The following FOXP1 variants were observed in gnomAD, a reference collection of about 807,000 sequenced individuals.
FOXP1 encodes forkhead box protein P1.
Under a neutral mutation model 98.2 loss-of-function variants are expected in FOXP1, and 15 were observed. That is an observed-to-expected ratio of 0.15 (90% CI 0.10 to 0.24). FOXP1 has a LOEUF of 0.24. FOXP1 is among the 10% of genes least tolerant of loss of function. The pLI, the probability that FOXP1 is intolerant of heterozygous loss-of-function variation, is 1.00. For missense variants in FOXP1, 633 were observed against 848.5 expected (o/e 0.75, Z 3.15); for synonymous variants, 371 against 314.5 (o/e 1.18, Z -1.90).
At chr3:71,372,621 C>A (rs184741848) in intron 3 of FOXP1, among the ~76,000 whole-genome samples, 59 of 152,306 alleles carry the variant, frequency 3.9e-4, no homozygotes, top group Non-Finnish European at 6.9e-4. Context: ...CTGCCATCTA[C>A]AGCACAATGA....
At chr3:71,488,500 T>A (rs1463899568) in intron 3 of FOXP1, among the ~76,000 whole-genome samples, 2 of 152,184 alleles carry the variant, frequency 1.3e-5, no homozygotes, top group Non-Finnish European at 2.9e-5. Flanking sequence ...TCTCTCACCA[T>A]CCTGAATTAC....
intron 7 of FOXP1, among the ~76,000 whole-genome samples, chr3:71,089,775 T>C (rs1429610930): frequency 1.3e-5 from 2 of 152,328 alleles, no homozygotes; most frequent in East Asian, 3.9e-4. Flanking sequence ...ATGCCTGGGC[T>C]CTAGCTGGGC....
chr3:70,978,969 A>T (rs909167976), intron 14 of FOXP1, among the ~76,000 whole-genome samples: 4 of 152,182 alleles, frequency 2.6e-5, no homozygotes, highest in Non-Finnish European at 5.9e-5. Flanking sequence ...TATTTGAAGT[A>T]GAAGAGAATA....
At position 70,981,652 on chromosome 3, in the gene FOXP1, C is replaced by A. The variant is rs531374354; in HGVS notation, c.1147-3623G>T. ...GCTATGAGGTAAACTAATTAAAAGA[C>A]AGTTCCTAGAGGAAGAGGGTGGCTG... On this transcript the variant is annotated intron_variant, in intron 14 of 20. Transcript: ENST00000649528. Among the ~76,000 whole-genome samples the A allele has an allele frequency of 8.5e-5, 13 of 152,278 alleles. No individual in the cohort carries two copies. The East Asian group carries it at 2.5e-3, about 29-fold the overall frequency.
intron 5 of FOXP1, among the ~76,000 whole-genome samples, chr3:71,216,807 C>CGTTCTCAA: frequency 6.6e-6 from 1 of 152,204 alleles, no homozygotes; most frequent in East Asian, 1.9e-4. Flanking sequence ...CTACAGCAGT[C>CGTTCTCAA]GTTCTCAACT....
chr3:71,413,191 C>T (rs1391612067), intron 3 of FOXP1, among the ~76,000 whole-genome samples: 4 of 102,438 alleles, frequency 3.9e-5, no homozygotes, highest in African/African-American at 1.6e-4. Context: ...AATAGACACA[C>T]ACACACCACC....
rs190976823 is a variant in FOXP1 at position 71,372,005 on chromosome 3, T to C, written c.-167-12761A>G. Among the ~76,000 whole-genome samples, 468 of 151,862 alleles carry C rather than the reference T, an allele frequency of 3.1e-3. 2 individuals are homozygous for C. Among genetic ancestry groups the C allele is most frequent in the Non-Finnish European group, 5.7e-3 (385 of 67,966 alleles). On this transcript the variant is annotated intron_variant, in intron 3 of 20. Transcript: ENST00000649528. ...TGTACATGAGGATCATTCTTTCGTCTTTTCTTTCTTTCTTTTTTTTTTTTT... is the reference window on the plus strand; with the variant it reads ...TGTACATGAGGATCATTCTTTCGTCCTTTCTTTCTTTCTTTTTTTTTTTTT...
At chr3:71,236,641 A>G (rs752353575) in intron 5 of FOXP1, among the ~76,000 whole-genome samples, 12 of 152,198 alleles carry the variant, frequency 7.9e-5, no homozygotes, top group Non-Finnish European at 1.8e-4. Context: ...AGGACAAGGC[A>G]GGAGGACGGC....
At chr3:71,462,030 T>C (rs2088185183) in intron 3 of FOXP1, among the ~76,000 whole-genome samples, 1 of 152,158 alleles carries the variant, frequency 6.6e-6, no homozygotes, top group Admixed American at 6.5e-5. Flanking sequence ...CCCATAAAAC[T>C]GGAACTATCA....
At chr3:71,024,487 G>A (rs2045859320) in intron 11 of FOXP1, among the ~76,000 whole-genome samples, 1 of 152,146 alleles carries the variant, frequency 6.6e-6, no homozygotes, top group African/African-American at 2.4e-5. Flanking sequence ...GCCTATTAAA[G>A]GGCCTACCCT....
At chr3:71,023,641 G>A (rs1487179842) in intron 11 of FOXP1, among the ~76,000 whole-genome samples, 1 of 152,018 alleles carries the variant, frequency 6.6e-6, no homozygotes, top group Non-Finnish European at 1.5e-5. Flanking sequence ...CTGTGACTCT[G>A]TTATCATAGC....
chr3:71,370,573 G>A (rs918560460), intron 3 of FOXP1, among the ~76,000 whole-genome samples: 3 of 152,116 alleles, frequency 2.0e-5, no homozygotes, highest in East Asian at 1.9e-4. Context: ...CGCAGGTTCC[G>A]ATCGGCACCG....
chr3:71,156,741 G>T (rs2060843126), intron 6 of FOXP1, among the ~76,000 whole-genome samples: 1 of 152,176 alleles, frequency 6.6e-6, no homozygotes, highest in African/African-American at 2.4e-5. Flanking sequence ...AGGCTAGTTG[G>T]ACATCTAGAA....
chr3:71,338,364 C>T (rs2076812013), intron 4 of FOXP1, among the ~76,000 whole-genome samples: 1 of 152,138 alleles, frequency 6.6e-6, no homozygotes, highest in Non-Finnish European at 1.5e-5. Flanking sequence ...ATTTGAATAA[C>T]CTAAAGAAAA....
chr3:71,299,171 G>A (rs566343598), intron 5 of FOXP1, among the ~76,000 whole-genome samples: 4 of 152,066 alleles, frequency 2.6e-5, no homozygotes, highest in Admixed American at 1.3e-4. Context: ...TCCCAAAAGC[G>A]AATTTGAGAA....
At chr3:71,450,898 A>G (rs1186721256) in intron 3 of FOXP1, among the ~76,000 whole-genome samples, 5 of 152,154 alleles carry the variant, frequency 3.3e-5, no homozygotes, top group Non-Finnish European at 1.5e-5. Flanking sequence ...ACCTTTTCCA[A>G]TAATCCATCT....
In FOXP1 at chr3:71,063,682, A is replaced by G. The variant is rs574179655; in HGVS notation, c.283-9909T>C. ...AGTATGATTCACATTTCCTGTTATC[A>G]GGCTTAATTTTTCCCCCACATGTGT... On this transcript the variant is annotated intron_variant, in intron 7 of 20. Coordinates refer to ENST00000649528, the MANE Select transcript of FOXP1 (RefSeq NM_001349338.3). Among the ~76,000 whole-genome samples the G allele has an allele frequency of 1.5e-4, 23 of 152,346 alleles. No individual in the cohort carries two copies. In the South Asian group the frequency reaches 4.6e-3, roughly 30 times the overall value.
intron 6 of FOXP1, among the ~76,000 whole-genome samples, chr3:71,129,404 G>A (rs2107905296): frequency 6.6e-6 from 1 of 152,200 alleles, no homozygotes; most frequent in South Asian, 2.1e-4. Flanking sequence ...TTTCTTCTAT[G>A]AGAGGTTTGG....
At chr3:71,325,873 T>C (rs1328692986) in intron 4 of FOXP1, among the ~76,000 whole-genome samples, 1 of 152,122 alleles carries the variant, frequency 6.6e-6, no homozygotes, top group Non-Finnish European at 1.5e-5. Flanking sequence ...GTATGAAACA[T>C]CTGTGGGATT....
Sources: allele counts gnomAD v4.1 joint callset (sites outside exome capture counted in the v4.1 genomes callset), GRCh38; gene constraint gnomAD v4.1.1; transcripts MANE v1.5; gene names NCBI Gene and HGNC (gene_info 2026-07-23, HGNC 2026-07-21).